DNAH14: variants seen among roughly 807,000 people sequenced by gnomAD.
DNAH14 encodes the protein axonemal beta dynein heavy chain 14.
A neutral mutation model predicts 520.9 loss-of-function variants in DNAH14; 478 were observed. That is an observed-to-expected ratio of 0.92 (90% CI 0.85 to 0.99). DNAH14 has a LOEUF of 0.99. Among genes scored for constraint, DNAH14 ranks in the 50% least tolerant of loss-of-function variants. The pLI, the probability that DNAH14 is intolerant of heterozygous loss-of-function variation, is 0.00. For missense variants in DNAH14, 4,831 were observed against 5,234.5 expected (o/e 0.92, Z 2.38); for synonymous variants, 1,581 against 1,757.2 (o/e 0.90, Z 2.51).
At chr1:224,952,900 A>G (rs2060267499) in intron 2 of DNAH14, 121 bp downstream of exon 2, 4 of 654,420 alleles carry the variant, frequency 6.1e-6, no homozygotes, top group Non-Finnish European at 9.4e-6. Flanking sequence ...TTTATTGATG[A>G]TTCTAGAGTT....
At position 225,324,779 on chromosome 1, in the gene DNAH14, G is replaced by A. The variant is rs200310916; in HGVS notation, c.9670G>A (p.Val3224Ile). The A allele has an allele frequency of 1.3e-3, 2,001 of 1,551,412 alleles. 2 individuals carry two copies. Among genetic ancestry groups the A allele is most frequent in the Non-Finnish European group, 1.6e-3 (1,853 of 1,146,898 alleles). The change falls in exon 64 of 86, where the codon GTC becomes ATC. Residue 3224 changes from valine to isoleucine, a missense_variant. Coordinates refer to ENST00000682510, the MANE Select transcript of DNAH14 (RefSeq NM_001367479.1). ...AATCCAAGTAGCTGAAGCTCAAAACGTCCTTAAAATTGCGCGACAAAGACT... is the reference window on the plus strand; with the variant it reads ...AATCCAAGTAGCTGAAGCTCAAAACATCCTTAAAATTGCGCGACAAAGACT... The part of the protein sequence containing the change: ...KQIQVAEAQN[V>I]LKIARQRLAE...
At position 225,041,564 on chromosome 1, in the gene DNAH14, G is replaced by A. The variant is rs574294664; in HGVS notation, c.1489-1271G>A. On this transcript the variant is annotated intron_variant, in intron 12 of 85. Transcript: ENST00000682510. ...TGAACTTCAGCCTTACCACATGCTA[G>A]CAATATAGCCTTTGACAAATTAAGC... is the stretch of plus-strand genomic sequence containing the variant. Among the ~76,000 whole-genome samples, 7 of 152,280 alleles carry A rather than the reference G, an allele frequency of 4.6e-5. No homozygotes were observed. In the South Asian group the frequency reaches 1.2e-3, roughly 27 times the overall value.
rs368687409 is a variant in DNAH14, at chr1:225,207,087, C to T, written c.6306C>T (p.Asp2102=). The T allele has an allele frequency of 1.6e-4, 248 of 1,550,936 alleles. No homozygotes were observed. In the East Asian group the frequency reaches 2.3e-3, roughly 14 times the overall value. Residue 2102 remains aspartate, a synonymous_variant, in exon 41 of 86, where the codon GAC becomes GAT. Coordinates refer to ENST00000682510, the MANE Select transcript of DNAH14 (RefSeq NM_001367479.1). ...LEFMIKNSVT[D]GLQFIRNRQK... ...TCATGATTAAAAATAGTGTCACAGA[C>T]GGACTACAATTTATAAGGAATCGTC...
chr1:225,068,889 C>T lies in DNAH14; in HGVS notation c.2425-10318C>T, dbSNP rs111694358. Among the ~76,000 whole-genome samples, 7 of 1,190 alleles carry T rather than the reference C, an allele frequency of 5.9e-3. 2 individuals carry two copies. Among genetic ancestry groups the T allele is most frequent in the East Asian group, 0.026 (7 of 274 alleles). The allele number at this position is 1,190 out of a possible 152,430, so 0.8% of individuals were successfully genotyped here. A position where few individuals can be genotyped will look rare whatever the true frequency, so the allele number is the denominator to read the frequency against. ...CGAGGTCAGGAGATCGAGACCATCC[C>T]GGCTAAAACGGTGAAACCCTGTCTC... is the stretch of plus-strand genomic sequence containing the variant. On this transcript the variant is annotated intron_variant, in intron 17 of 85. Transcript: ENST00000682510.
chr1:225,331,446 C>G lies in DNAH14; in HGVS notation c.9733C>G (p.His3245Asp), dbSNP rs760150821. Residue 3245 changes from histidine to aspartate, a missense_variant, in exon 65 of 86, where the codon CAT becomes GAT. Physicochemically the swap from His to Asp is moderately conservative, Grantham distance 81. Coordinates refer to ENST00000682510, the MANE Select transcript of DNAH14 (RefSeq NM_001367479.1). ...KQRGLQLVEEHLLFLQAAYKD... is the reference protein window; with the variant it reads ...KQRGLQLVEEDLLFLQAAYKD... ...ATTAATTATCTTTCAGGTTGAAGAA[C>G]ATTTGCTGTTTTTACAGGCAGCTTA... is the stretch of plus-strand genomic sequence containing the variant. 1.9e-6 allele frequency: 3 copies of G among 1,550,200 alleles called. No homozygotes were observed. The highest frequency in any genetic ancestry group is 2.6e-6 in the Non-Finnish European group (3 of 1,146,478).
intron 41 of DNAH14, among the ~76,000 whole-genome samples, chr1:225,226,062 A>ATCTG (rs2149534874): frequency 6.6e-6 from 1 of 152,286 alleles, no homozygotes; most frequent in African/African-American, 2.4e-5. Flanking sequence ...TCTGTTGTAC[A>ATCTG]TTGCAACTCT....
At chr1:225,311,198 G>A (rs911568532) in intron 60 of DNAH14, among the ~76,000 whole-genome samples, 1 of 152,156 alleles carries the variant, frequency 6.6e-6, no homozygotes, top group Non-Finnish European at 1.5e-5. Flanking sequence ...CTAATGACCA[G>A]TAATGATAAG....
At chr1:225,373,918 G>A (rs7526483) in intron 77 of DNAH14, among the ~76,000 whole-genome samples, 63,201 of 150,470 alleles carry the variant, frequency 0.42, 14,593 homozygotes, top group Middle Eastern at 0.61. Flanking sequence ...TTGAGCGCAG[G>A]AGTTCCAGAC....
chr1:225,243,347 T>G (rs2092083567), intron 43 of DNAH14, among the ~76,000 whole-genome samples: 1 of 151,236 alleles, frequency 6.6e-6, no homozygotes, highest in Non-Finnish European at 1.5e-5. Context: ...ATTATAGAAC[T>G]ATAAAACCAC....
chr1:225,339,608 A>G (rs2095137541), intron 68 of DNAH14, among the ~76,000 whole-genome samples: 1 of 152,202 alleles, frequency 6.6e-6, no homozygotes, highest in Admixed American at 6.5e-5. Flanking sequence ...TAATGAAGTT[A>G]CATTTTCCTG....
At chr1:224,951,153 G>A (rs2125484764) in intron 1 of DNAH14, among the ~76,000 whole-genome samples, 1 of 152,230 alleles carries the variant, frequency 6.6e-6, no homozygotes, top group South Asian at 2.1e-4. Context: ...AGTCTCTCAA[G>A]TAGCTGGGAT....
intron 21 of DNAH14, among the ~76,000 whole-genome samples, chr1:225,093,953 C>G (rs1406771785): frequency 2.0e-5 from 3 of 151,958 alleles, no homozygotes; most frequent in African/African-American, 7.2e-5. Context: ...ACAAGAATTA[C>G]AAAGCATTGC....
intron 11 of DNAH14, among the ~76,000 whole-genome samples, chr1:225,038,129 A>T (rs368948840): frequency 1.3e-5 from 2 of 152,118 alleles, no homozygotes; most frequent in African/African-American, 4.8e-5. Context: ...TCTGGTATTG[A>T]TGATAAGTGT....
At chr1:225,081,496 G>A (rs1057315422) in intron 19 of DNAH14, among the ~76,000 whole-genome samples, 1 of 152,062 alleles carries the variant, frequency 6.6e-6, no homozygotes, top group Non-Finnish European at 1.5e-5. Context: ...TACGTGCTTC[G>A]GAGAACAGTA....
chr1:225,311,795 T>G (rs866841209), intron 60 of DNAH14, among the ~76,000 whole-genome samples: 1 of 152,208 alleles, frequency 6.6e-6, no homozygotes, highest in Non-Finnish European at 1.5e-5. Context: ...TTCTGTTCCA[T>G]TGGTCTATAT....
chr1:225,043,661 C>T (rs2067683090), intron 13 of DNAH14, 83 bp from the exon 14 acceptor site: 3 of 1,007,810 alleles, frequency 3.0e-6, no homozygotes, highest in Non-Finnish European at 4.4e-6. Flanking sequence ...GTGTAAAGCA[C>T]TGGCATATAT....
At chr1:225,063,479 T>A (rs2070447182) in intron 17 of DNAH14, among the ~76,000 whole-genome samples, 1 of 152,112 alleles carries the variant, frequency 6.6e-6, no homozygotes, top group Admixed American at 6.6e-5. Flanking sequence ...GCCACAGACA[T>A]GGAGGGCTGA....
chr1:225,102,980 A>T (rs1215376967), intron 23 of DNAH14, among the ~76,000 whole-genome samples: 1 of 152,084 alleles, frequency 6.6e-6, no homozygotes, highest in Admixed American at 6.5e-5. Flanking sequence ...TATGTCCTGA[A>T]TGGTATTGCC....
chr1:225,110,364 G>A (rs1275432297), intron 23 of DNAH14, among the ~76,000 whole-genome samples: 1 of 130,386 alleles, frequency 7.7e-6, no homozygotes, highest in Non-Finnish European at 1.5e-5. Context: ...CTTGTTATTA[G>A]TCTGTTCAGG....
Sources: gnomAD v4.1 joint callset for allele counts (sites outside exome capture counted in the v4.1 genomes callset) on GRCh38, gnomAD v4.1.1 for gene constraint, MANE v1.5 for transcripts, NCBI Gene and HGNC (gene_info 2026-07-23, HGNC 2026-07-21) for gene names.